Variants in HDLBP observed in about 807,000 individuals in gnomAD.
The protein encoded by HDLBP is high density lipoprotein binding protein.
A neutral mutation model predicts 137.3 loss-of-function variants in HDLBP; 30 were observed. The ratio of observed to expected loss-of-function variants is 0.22; its 90% CI spans 0.16 to 0.30. The LOEUF is 0.30. Ranked by LOEUF, HDLBP falls within the 10% of genes least tolerant of loss-of-function variation. The probability of loss-of-function intolerance (pLI) is 1.00; values close to 1 mark genes in which losing one functional copy is unlikely to be tolerated. For synonymous variants in HDLBP, 606 were observed against 596.0 expected, an observed-to-expected ratio of 1.02 and a Z score of -0.24; for missense variants, 1,119 against 1,667.3, an observed-to-expected ratio of 0.67 and a Z score of 5.73.
intron 1 of HDLBP, among the ~76,000 whole-genome samples, chr2:241,304,022 G>A (rs2075484857): frequency 6.6e-6 from 1 of 152,096 alleles, no homozygotes; most frequent in African/African-American, 2.4e-5. Context: ...TTGTTGCCTA[G>A]GCTGGTCTCA....
chr2:241,276,499 G>T (rs889534463), intron 1 of HDLBP, among the ~76,000 whole-genome samples: 2 of 152,066 alleles, frequency 1.3e-5, no homozygotes, highest in Middle Eastern at 6.8e-3. Flanking sequence ...TGAGAGGAAT[G>T]AATTCAAACC....
intron 1 of HDLBP, among the ~76,000 whole-genome samples, chr2:241,310,835 T>C (rs548186694): frequency 6.6e-6 from 1 of 152,136 alleles, no homozygotes; most frequent in Non-Finnish European, 1.5e-5. Flanking sequence ...AAGAAAAGCC[T>C]CTGAGGCCAG....
Position 241,235,193 on chromosome 2 carries a change from A to G in HDLBP, c.3072T>C (p.Ala1024=). 6.2e-7 allele frequency: 1 copy of G among 1,614,190 alleles called. No homozygotes were observed. Among genetic ancestry groups the G allele is most frequent in the East Asian group, 2.2e-5 (1 of 44,884 alleles). ...CAGCCTTGGCCCGGTCCAAATTTGC[A>G]GCGAGGCCCGTGATGGCGATGATGT... is the stretch of plus-strand genomic sequence containing the variant. The part of the protein sequence containing the change: ...QSDIIAITGL[A]ANLDRAKAGL... Residue 1024 remains alanine, a synonymous_variant, in exon 23 of 28, where the codon GCT becomes GCC. Coordinates refer to ENST00000310931, the MANE Select transcript of HDLBP (RefSeq NM_005336.6).
chr2:241,240,229 T>A lies in HDLBP; in HGVS notation c.2170-107A>T. 2 of 1,062,240 alleles carry A rather than the reference T, an allele frequency of 1.9e-6. No homozygotes were observed. Among genetic ancestry groups the A allele is most frequent in the South Asian group, 2.6e-5 (2 of 77,894 alleles). The allele number at this position is 1,062,240 out of a possible 1,614,324, so 65.8% of individuals were successfully genotyped here. A position where few individuals can be genotyped will look rare whatever the true frequency, so the allele number is the denominator to read the frequency against. On this transcript the variant is annotated intron_variant, in intron 17 of 27. Transcript: ENST00000310931. The surrounding 1 kb of genome is among the most constrained non-coding windows in gnomAD (Gnocchi z 5.5). ...GCAAGCTCGGGCTCCCCTTACATTG[T>A]CACCAGTGTCCTGATGTTGCACCAA...
chr2:241,311,552 T>TA (rs1225168336), intron 1 of HDLBP, among the ~76,000 whole-genome samples: 1 of 152,178 alleles, frequency 6.6e-6, no homozygotes, highest in East Asian at 1.9e-4. Flanking sequence ...TTATTCAAGA[T>TA]AAAATGATAG....
At chr2:241,282,841 CA>C (rs2074657111) in intron 1 of HDLBP, among the ~76,000 whole-genome samples, 1 of 152,180 alleles carries the variant, frequency 6.6e-6, no homozygotes, top group Non-Finnish European at 1.5e-5. Context: ...GATCCCTAGA[CA>C]CAATATTGAG....
intron 20 of HDLBP, 95 bp from the exon 21 acceptor site, chr2:241,236,864 G>A: frequency 7.3e-7 from 1 of 1,361,814 alleles, no homozygotes. Flanking sequence ...CCTGCTGGGT[G>A]CTGGGTGGTA....
chr2:241,311,640 T>C (rs982826942), intron 1 of HDLBP, among the ~76,000 whole-genome samples: 2 of 152,198 alleles, frequency 1.3e-5, no homozygotes, highest in East Asian at 3.8e-4. Context: ...TGGGGTTGAA[T>C]TGTAGTGACA....
chr2:241,254,364 T>G (rs991393623), intron 9 of HDLBP, among the ~76,000 whole-genome samples: 10 of 152,230 alleles, frequency 6.6e-5, no homozygotes, highest in Admixed American at 3.9e-4. Flanking sequence ...ATATGATGGT[T>G]GGATTCTCTG....
intron 12 of HDLBP, 146 bp downstream of exon 12, chr2:241,249,695 C>G: frequency 2.7e-6 from 2 of 727,820 alleles, no homozygotes; most frequent in Admixed American, 2.9e-5. Context: ...AAATGTGGCC[C>G]CAGGGAGTCC....
chr2:241,267,839 C>T, intron 2 of HDLBP: 2 of 1,439,580 alleles, frequency 1.4e-6, no homozygotes, highest in Non-Finnish European at 1.8e-6. Context: ...AGAACTCGCA[C>T]AGCAGGGGAA....
At chr2:241,264,405 T>C in intron 4 of HDLBP, 43 bp downstream of exon 4, 1 of 1,344,918 alleles carries the variant, frequency 7.4e-7, no homozygotes, top group Non-Finnish European at 1.0e-6. Context: ...TACATAGACA[T>C]GTTACATGAT....
intron 20 of HDLBP, among the ~76,000 whole-genome samples, chr2:241,237,194 C>T (rs113742989): frequency 2.6e-5 from 4 of 152,212 alleles, no homozygotes; most frequent in East Asian, 3.9e-4. Flanking sequence ...GCGGCCAGCA[C>T]GCAGCCCCAC....
At chr2:241,247,513 T>C (rs2071775260) in intron 14 of HDLBP, 1 of 287,204 alleles carries the variant, frequency 3.5e-6, no homozygotes, top group Non-Finnish European at 6.6e-6. Context: ...TCCTTCACCA[T>C]CGCCTCTCCC....
intron 1 of HDLBP, among the ~76,000 whole-genome samples, chr2:241,294,607 C>A (rs912859908): frequency 6.6e-6 from 1 of 152,108 alleles, no homozygotes; most frequent in Non-Finnish European, 1.5e-5. Context: ...ACTACAGGTG[C>A]GTACACCATG....
At chr2:241,247,890 C>T in intron 14 of HDLBP, 113 bp downstream of exon 14, 1 of 715,006 alleles carries the variant, frequency 1.4e-6, no homozygotes, top group Admixed American at 2.3e-5. Flanking sequence ...CAGCCCAGGG[C>T]CTATGTGCTT....
rs2075520275 is a variant in HDLBP, at chr2:241,304,935, T to A, written c.-103+10635A>T. 2.0e-5 allele frequency among the ~76,000 whole-genome samples: 3 copies of A among 152,372 alleles called. No homozygotes were observed. In the South Asian group the frequency reaches 6.2e-4, roughly 32 times the overall value. On this transcript the variant is annotated intron_variant, in intron 1 of 27. Coordinates refer to ENST00000310931, the MANE Select transcript of HDLBP (RefSeq NM_005336.6). The stretch of plus-strand genomic sequence containing the variant: ...TTTCCTGGGCCTGTCTCTTCTCCTA[T>A]AAAAAGTTGATATTAATGCCTTTTG...
chr2:241,230,651 G>T lies in HDLBP; in HGVS notation c.3474+108C>A. 1.1e-6 allele frequency: 1 copy of T among 939,682 alleles called. No homozygotes were observed. Among genetic ancestry groups the T allele is most frequent in the Non-Finnish European group, 1.6e-6 (1 of 610,174 alleles). The allele number at this position is 939,682 out of a possible 1,614,324, so 58.2% of individuals were successfully genotyped here. A position where few individuals can be genotyped will look rare whatever the true frequency, so the allele number is the denominator to read the frequency against. On this transcript the variant is annotated intron_variant, in intron 25 of 27. Transcript: ENST00000310931. This position sits in a 1 kb window ranked among gnomAD's most constrained non-coding sequence, Gnocchi z 5.0. ...CAGTTCCACTGCCAGCCCTGGGGTT[G>T]TGGCCTCATCATCTTGAGGGGAAGG...
chr2:241,310,823 G>A (rs1461690961), intron 1 of HDLBP, among the ~76,000 whole-genome samples: 1 of 152,216 alleles, frequency 6.6e-6, no homozygotes, highest in Non-Finnish European at 1.5e-5. Context: ...GAATTTCACA[G>A]AAAGAAAAGC....
Sources: gnomAD v4.1 joint callset for allele counts (sites outside exome capture counted in the v4.1 genomes callset) on GRCh38, gnomAD v4.1.1 for gene constraint, Gnocchi (gnomAD v3.1) non-coding constraint, MANE v1.5 for transcripts, NCBI Gene and HGNC (gene_info 2026-07-23, HGNC 2026-07-21) for gene names.